Variants in MGST1 observed in about 807,000 individuals in gnomAD.
MGST1 encodes glutathione S-transferase 12.
MGST1 carries 5 observed loss-of-function variants against 8.9 expected under a neutral mutation model. The ratio of observed to expected loss-of-function variants is 0.56; its 90% confidence interval spans 0.29 to 1.19. The LOEUF (loss-of-function observed/expected upper bound fraction) is 1.19. Ranked by LOEUF, MGST1 falls within the 50% of genes most tolerant of loss-of-function variation. MGST1 has a pLI of 0.08. For synonymous variants in MGST1, 54 were observed against 67.8 expected, an observed-to-expected ratio of 0.80 and a Z score of 1.00; for missense variants, 182 against 187.4, an observed-to-expected ratio of 0.97 and a Z score of 0.17.
intron 4 of MGST1, among the ~76,000 whole-genome samples, chr12:16,473,906 A>T (rs934007749): frequency 1.2e-4 from 19 of 152,186 alleles, no homozygotes; most frequent in African/African-American, 3.6e-4. Flanking sequence ...ATAAAAATTT[A>T]AAAAAGTCTA....
intron 3 of MGST1, among the ~76,000 whole-genome samples, chr12:16,358,778 C>G (rs1281602824): frequency 3.8e-5 from 3 of 79,102 alleles, no homozygotes; most frequent in African/African-American, 1.5e-4. Flanking sequence ...AAAATTCATT[C>G]CTTTTTTTTT....
intron 4 of MGST1, among the ~76,000 whole-genome samples, chr12:16,506,894 T>C (rs886260319): frequency 6.6e-6 from 1 of 152,220 alleles, no homozygotes; most frequent in African/African-American, 2.4e-5. Flanking sequence ...TTACTGTTTG[T>C]CGGACAGGGT....
chr12:16,433,107 A>C (rs201015116), intron 1 of MGST1, among the ~76,000 whole-genome samples: 1 of 152,106 alleles, frequency 6.6e-6, no homozygotes, highest in Non-Finnish European at 1.5e-5. Context: ...AAGCCAGTCC[A>C]AGTCCCAAAA....
At chr12:16,526,953 C>T (rs1183957624) in intron 4 of MGST1, among the ~76,000 whole-genome samples, 2 of 151,962 alleles carry the variant, frequency 1.3e-5, no homozygotes, top group African/African-American at 4.8e-5. Context: ...ACCAAAAGAG[C>T]TGAATCATGA....
intron 4 of MGST1, among the ~76,000 whole-genome samples, chr12:16,508,773 C>T (rs989830427): frequency 2.0e-5 from 3 of 152,150 alleles, no homozygotes; most frequent in African/African-American, 4.8e-5. Context: ...GACAACTTGG[C>T]ATCATAATGG....
At chr12:16,380,288 A>C (rs532429023), downstream of MGST1, among the ~76,000 whole-genome samples, 63 of 152,158 alleles carry the variant, frequency 4.1e-4, no homozygotes, top group African/African-American at 1.3e-3. Flanking sequence ...TAGTGCTATA[A>C]ATTTCCCTCT....
At chr12:16,424,688 C>T (rs373546736) in intron 1 of MGST1, among the ~76,000 whole-genome samples, 17 of 152,252 alleles carry the variant, frequency 1.1e-4, no homozygotes, top group Non-Finnish European at 1.5e-4. Context: ...CTGAGTGACA[C>T]GGGCCTATCC....
At chr12:16,526,945 C>A (rs927329610) in intron 4 of MGST1, among the ~76,000 whole-genome samples, 4 of 151,900 alleles carry the variant, frequency 2.6e-5, no homozygotes, top group Non-Finnish European at 5.9e-5. Flanking sequence ...ACTTAGGAAC[C>A]AAAAGAGCTG....
At chr12:16,388,131 G>A (rs956368002) in intron 1 of MGST1, among the ~76,000 whole-genome samples, 3 of 151,224 alleles carry the variant, frequency 2.0e-5, no homozygotes, top group East Asian at 2.0e-4. Context: ...AAGTAATTGC[G>A]GTTTTTGCCA....
intron 1 of MGST1, chr12:16,400,065 C>A: frequency 6.3e-7 from 1 of 1,582,624 alleles, no homozygotes; most frequent in Non-Finnish European, 8.7e-7. Flanking sequence ...TAGTTAGAGC[C>A]TCTACTTTCT....
chr12:16,491,657 G>A (rs984435599), intron 4 of MGST1, among the ~76,000 whole-genome samples: 1 of 152,136 alleles, frequency 6.6e-6, no homozygotes, highest in African/African-American at 2.4e-5. Context: ...CAAATAGGAT[G>A]AGCTTACTAC....
chr12:16,484,644 C>A (rs1008792622), intron 4 of MGST1, among the ~76,000 whole-genome samples: 4 of 151,892 alleles, frequency 2.6e-5, no homozygotes, highest in African/African-American at 9.7e-5. Context: ...AGGAAGAGAG[C>A]AAAGAGGTAG....
chr12:16,482,503 C>A lies in MGST1; in HGVS notation n.482+98899C>A, dbSNP rs189191446. Among the ~76,000 whole-genome samples the A allele has an allele frequency of 6.6e-6, 1 of 151,874 alleles. No homozygotes were observed. The highest frequency in any genetic ancestry group is 2.4e-5 in the African/African-American group (1 of 41,338). ...AAAATTAGCCAGGCGCAGTGGCAGG[C>A]GCCTGTAATCCTAGCTACTCGGGAG... is the stretch of plus-strand genomic sequence containing the variant. On this transcript the variant is annotated intron_variant and non_coding_transcript_variant, in intron 4 of 4. Coordinates refer to the MGST1 transcript ENST00000538857. The surrounding 1 kb of genome is among the most constrained non-coding windows in gnomAD (Gnocchi z 4.2).
intron 1 of MGST1, among the ~76,000 whole-genome samples, chr12:16,353,178 C>T (rs908757421): frequency 3.3e-5 from 5 of 151,994 alleles, no homozygotes; most frequent in East Asian, 1.9e-4. Flanking sequence ...GGACTACAGG[C>T]GCCTGCCACC....
chr12:16,513,485 G>T lies in MGST1; in HGVS notation n.483-76043G>T. ...GATGCCCCTGCCAGAGCCAGCTCCTGGTGGACCCATGTGGAGATGGGACCA... is the reference window on the plus strand; with the variant it reads ...GATGCCCCTGCCAGAGCCAGCTCCTTGTGGACCCATGTGGAGATGGGACCA... On this transcript the variant is annotated intron_variant and non_coding_transcript_variant, in intron 4 of 4. Coordinates refer to the MGST1 transcript ENST00000538857. This position sits in a 1 kb window ranked among gnomAD's most constrained non-coding sequence, Gnocchi z 4.2. The T allele has an allele frequency of 4.4e-6, 2 of 453,176 alleles. No homozygotes were observed. The highest frequency in any genetic ancestry group is 1.7e-5 in the South Asian group (1 of 60,152). The allele number at this position is 453,176 out of a possible 1,614,324, so 28.1% of individuals were successfully genotyped here.
At chr12:16,414,988 C>T (rs1940775452) in intron 1 of MGST1, among the ~76,000 whole-genome samples, 1 of 152,106 alleles carries the variant, frequency 6.6e-6, no homozygotes. Flanking sequence ...CGCACCATTG[C>T]ACTCCAGCTT....
In MGST1 at chr12:16,546,614, A is replaced by G. The variant is rs1490588642; in HGVS notation, n.483-42914A>G. Among the ~76,000 whole-genome samples the G allele has an allele frequency of 6.6e-6, 1 of 152,150 alleles. No individual in the cohort carries two copies. Among genetic ancestry groups the G allele is most frequent in the Non-Finnish European group, 1.5e-5 (1 of 68,002 alleles). On this transcript the variant is annotated intron_variant and non_coding_transcript_variant, in intron 4 of 4. Coordinates refer to the MGST1 transcript ENST00000538857. This position sits in a 1 kb window ranked among gnomAD's most constrained non-coding sequence, Gnocchi z 4.7. Reference sequence around the variant, plus strand: ...AAACAGAATTCTTTTAATTAAAAACATTTTTAAAAAGTTCAGTGTGTGTAA... The same window carrying G: ...AAACAGAATTCTTTTAATTAAAAACGTTTTTAAAAAGTTCAGTGTGTGTAA...
chr12:16,357,528 A>G (rs900347076), intron 2 of MGST1, 77 bp from the exon 3 acceptor site: 2 of 1,095,812 alleles, frequency 1.8e-6, no homozygotes, highest in South Asian at 1.5e-5. Flanking sequence ...AGCCTCACAA[A>G]GCGCTGGAAT....
At chr12:16,469,754 T>C (rs572050732) in intron 4 of MGST1, among the ~76,000 whole-genome samples, 103 of 152,336 alleles carry the variant, frequency 6.8e-4, no homozygotes, top group Non-Finnish European at 4.3e-4. Flanking sequence ...CTGCCTTTTG[T>C]TGCCTATGTA....
Sources: allele counts gnomAD v4.1 joint callset (sites outside exome capture counted in the v4.1 genomes callset), GRCh38; gene constraint gnomAD v4.1.1; non-coding constraint Gnocchi (gnomAD v3.1); transcripts MANE v1.5; gene names NCBI Gene and HGNC (gene_info 2026-07-23, HGNC 2026-07-21).